The following UPF2 variants were observed in gnomAD, a reference collection of about 807,000 sequenced individuals.
The protein encoded by UPF2 is regulator of nonsense transcripts 2.
A neutral mutation model predicts 141.4 loss-of-function variants in UPF2; 17 were observed. That is an observed-to-expected ratio of 0.12 (90% CI 0.08 to 0.18). The LOEUF (loss-of-function observed/expected upper bound fraction) is 0.18, where lower values mean the gene tolerates loss of function less well. Ranked by LOEUF, UPF2 falls within the 10% of genes least tolerant of loss-of-function variation. The pLI is 1.00. For synonymous variants in UPF2, 540 were observed against 498.0 expected (o/e 1.08, Z -1.12); for missense variants, 1,152 against 1,515.9 (o/e 0.76, Z 3.99).
rs1043308820 is a variant in UPF2 at position 12,042,532 on chromosome 10, G to A, written c.-19+223C>T. Reference sequence around the variant, plus strand: ...CCTCCTCCACCGCCCCCCAAGCATGGCCCGGCCCGGGGGCTCCCGCGTTGA... The same window carrying A: ...CCTCCTCCACCGCCCCCCAAGCATGACCCGGCCCGGGGGCTCCCGCGTTGA... On this transcript the variant is annotated intron_variant, in intron 1 of 21. Coordinates refer to ENST00000357604, the MANE Select transcript of UPF2 (RefSeq NM_015542.4). The surrounding 1 kb of genome is among the most constrained non-coding windows in gnomAD (Gnocchi z 5.5). Among the ~76,000 whole-genome samples, 3 of 152,268 alleles carry A rather than the reference G, an allele frequency of 2.0e-5. No individual in the cohort carries two copies. Among genetic ancestry groups the A allele is most frequent in the Admixed American group, 2.0e-4 (3 of 15,292 alleles).
At chr10:11,981,338 A>G (rs1833589964) in intron 8 of UPF2, among the ~76,000 whole-genome samples, 1 of 152,196 alleles carries the variant, frequency 6.6e-6, no homozygotes, top group African/African-American at 2.4e-5. Flanking sequence ...TAGGCCTCTT[A>G]CATATATAAC....
chr10:12,006,891 G>C (rs1205372928), intron 4 of UPF2, among the ~76,000 whole-genome samples: 1 of 152,042 alleles, frequency 6.6e-6, no homozygotes, highest in Non-Finnish European at 1.5e-5. Flanking sequence ...CTCTACGATG[G>C]AGCCAAGTCA....
chr10:12,011,357 G>C (rs1429467177), intron 4 of UPF2, among the ~76,000 whole-genome samples: 1 of 152,142 alleles, frequency 6.6e-6, no homozygotes, highest in African/African-American at 2.4e-5. Context: ...CCAGCACTTG[G>C]GGAGGGTGAG....
At position 12,022,024 on chromosome 10, in the gene UPF2, C is replaced by T. The variant is rs372657683; in HGVS notation, c.1145+6721G>A. Among the ~76,000 whole-genome samples, 31 of 152,122 alleles carry T rather than the reference C, an allele frequency of 2.0e-4. 1 individual carries two copies. The South Asian group carries it at 5.0e-3, about 24-fold the overall frequency. ...GTGTGGTGGCAGGTGCATGTAGTCCCAGCTACTCAGGAGGCTGAGGCAGGA... is the reference window on the plus strand; with the variant it reads ...GTGTGGTGGCAGGTGCATGTAGTCCTAGCTACTCAGGAGGCTGAGGCAGGA... On this transcript the variant is annotated intron_variant, in intron 3 of 21. Transcript: ENST00000357604.
At chr10:11,961,089 CA>C (rs59208108) in intron 11 of UPF2, among the ~76,000 whole-genome samples, 1,947 of 86,216 alleles carry the variant, frequency 0.023, 29 homozygotes, top group African/African-American at 0.062. Context: ...GACCCTGTCT[CA>C]AAAAAAAAAA....
intron 8 of UPF2, among the ~76,000 whole-genome samples, chr10:11,981,211 T>C (rs1833587782): frequency 6.6e-6 from 1 of 152,162 alleles, no homozygotes; most frequent in Admixed American, 6.5e-5. Context: ...TAAGGTTAAA[T>C]GGAGGAAACT....
In UPF2 at chr10:12,029,119, A is replaced by G. The variant is rs1298145292; in HGVS notation, c.771T>C (p.Pro257=). 1 of 1,614,242 alleles carries G rather than the reference A, an allele frequency of 6.2e-7. No homozygotes were observed. Among genetic ancestry groups the G allele is most frequent in the Non-Finnish European group, 8.5e-7 (1 of 1,180,044 alleles). ...AATCAGTTCTTAACTTGGTGATGTT[A>G]GGTGTTTTCTCCTCTTTCCTTGCTT... ...HFEARKEEKT[P]NITKLRTDLR... Residue 257 remains proline, a synonymous_variant, in exon 3 of 22, where the codon CCT becomes CCC. Transcript: ENST00000357604.
chr10:11,998,260 T>C lies in UPF2; in HGVS notation c.1759-503A>G, dbSNP rs1833895572. On this transcript the variant is annotated intron_variant, in intron 7 of 21. Coordinates refer to ENST00000357604, the MANE Select transcript of UPF2 (RefSeq NM_015542.4). This position sits in a 1 kb window ranked among gnomAD's most constrained non-coding sequence, Gnocchi z 4.5. ...TTCACAAGTGCAGGAAATGGCGCTC[T>C]CTCTCTCTCTCCAAGATGCCTTAAC... is the stretch of plus-strand genomic sequence containing the variant. Among the ~76,000 whole-genome samples the C allele has an allele frequency of 6.6e-6, 1 of 152,164 alleles. No homozygotes were observed. The highest frequency in any genetic ancestry group is 2.1e-4 in the South Asian group (1 of 4,832).
In UPF2 at chr10:11,956,503, C is replaced by T; in HGVS notation, c.2391G>A (p.Lys797=). The change falls in exon 13 of 22, where the codon AAG becomes AAA. Residue 797 remains lysine (K), a synonymous_variant. Transcript: ENST00000357604. This position sits in a 1 kb window ranked among gnomAD's most constrained non-coding sequence, Gnocchi z 4.2. ...TTEKVLRQMR[K]LPWQDQEVKD... is the part of the protein sequence containing the mutation. ...TCACTTCTTGGTCCTGCCAGGGCAG[C>T]TTTCGCATCTGTCTCAAAACCTAAA... The T allele has an allele frequency of 1.2e-6, 2 of 1,613,716 alleles. No individual in the cohort carries two copies. Among genetic ancestry groups the T allele is most frequent in the Non-Finnish European group, 8.5e-7 (1 of 1,179,856 alleles).
intron 6 of UPF2, among the ~76,000 whole-genome samples, chr10:12,001,341 G>C (rs970642170): frequency 2.6e-5 from 4 of 152,064 alleles, no homozygotes; most frequent in African/African-American, 9.7e-5. Flanking sequence ...TTGAACCCAG[G>C]AGGCAGAAGT....
At chr10:12,012,740 A>T (rs574695881) in intron 4 of UPF2, among the ~76,000 whole-genome samples, 8 of 151,380 alleles carry the variant, frequency 5.3e-5, no homozygotes, top group African/African-American at 1.9e-4. Flanking sequence ...CGGAGCTTGC[A>T]GTGAGCAGAG....
intron 3 of UPF2, among the ~76,000 whole-genome samples, chr10:12,017,070 T>C (rs959071477): frequency 1.4e-5 from 2 of 145,202 alleles, no homozygotes; most frequent in African/African-American, 5.1e-5. Flanking sequence ...TGTTAACAGG[T>C]AAAAATTGAA....
chr10:12,013,011 GC>G (rs1345799872), intron 4 of UPF2, among the ~76,000 whole-genome samples: 2 of 151,204 alleles, frequency 1.3e-5, no homozygotes, highest in African/African-American at 4.9e-5. Context: ...TGCAGTCCCA[GC>G]TACTTGGGAG....
At chr10:12,002,411 T>C (rs1263278799) in intron 5 of UPF2, among the ~76,000 whole-genome samples, 1 of 152,136 alleles carries the variant, frequency 6.6e-6, no homozygotes, top group Non-Finnish European at 1.5e-5. Flanking sequence ...GGCGTGAGGA[T>C]CTATCTATGC....
At chr10:11,968,201 T>C (rs532618023) in intron 9 of UPF2, among the ~76,000 whole-genome samples, 2 of 152,130 alleles carry the variant, frequency 1.3e-5, no homozygotes, top group African/African-American at 4.8e-5. Context: ...AAAATTCTTG[T>C]TATATTCAAA....
intron 3 of UPF2, among the ~76,000 whole-genome samples, chr10:12,026,397 G>A (rs1287501445): frequency 1.3e-5 from 2 of 152,164 alleles, no homozygotes; most frequent in Non-Finnish European, 2.9e-5. Flanking sequence ...CCTAAGAGTA[G>A]TGAAGTGTCT....
In UPF2 at chr10:11,963,887, A is replaced by G. The variant is rs570966074; in HGVS notation, c.2184+122T>C. On this transcript the variant is annotated intron_variant, in intron 11 of 21. Coordinates refer to ENST00000357604, the MANE Select transcript of UPF2 (RefSeq NM_015542.4). Reference sequence around the variant, plus strand: ...TCATATGTATGGGATGTTCCACTTTAAGTAGAAATGTTTGTATTCATATGA... The same window carrying G: ...TCATATGTATGGGATGTTCCACTTTGAGTAGAAATGTTTGTATTCATATGA... The G allele has an allele frequency of 4.5e-6, 3 of 668,474 alleles. No homozygotes were observed. The South Asian group carries it at 7.3e-5, about 16-fold the overall frequency. The allele number at this position is 668,474 out of a possible 1,614,324, so 41.4% of individuals were successfully genotyped here.
intron 4 of UPF2, among the ~76,000 whole-genome samples, chr10:12,012,399 T>C (rs925923684): frequency 2.0e-5 from 3 of 152,154 alleles, no homozygotes; most frequent in Non-Finnish European, 4.4e-5. Context: ...GGTTCTAAAA[T>C]ATCTTAACAA....
intron 16 of UPF2, among the ~76,000 whole-genome samples, chr10:11,944,022 AC>A (rs905975988): frequency 1.3e-5 from 2 of 148,590 alleles, no homozygotes; most frequent in Non-Finnish European, 3.0e-5. Flanking sequence ...AAAAAAAAAA[AC>A]CAAAAACCCA....
Sources: gnomAD v4.1 joint callset for allele counts (sites outside exome capture counted in the v4.1 genomes callset) on GRCh38, gnomAD v4.1.1 for gene constraint, Gnocchi (gnomAD v3.1) non-coding constraint, MANE v1.5 for transcripts, NCBI Gene and HGNC (gene_info 2026-07-23, HGNC 2026-07-21) for gene names.